The following PDE1A variants were observed in gnomAD, a reference collection of about 807,000 sequenced individuals.
The protein encoded by PDE1A is dual specificity calcium/calmodulin-dependent 3',5'-cyclic nucleotide phosphodiesterase 1A.
Under a neutral mutation model 61.7 loss-of-function variants are expected in PDE1A, and 35 were observed. The observed-to-expected ratio is 0.57, with a 90% CI of 0.43 to 0.75. The LOEUF (loss-of-function observed/expected upper bound fraction) is 0.75. Ranked by LOEUF, PDE1A falls within the 30% of genes least tolerant of loss-of-function variation. The pLI, the probability that PDE1A is intolerant of heterozygous loss-of-function variation, is 0.00. For synonymous variants in PDE1A, 232 were observed against 213.2 expected (o/e 1.09, Z -0.77); for missense variants, 597 against 630.6 (o/e 0.95, Z 0.57).
At chr2:182,631,179 T>C in the PDE1A span, among the ~76,000 whole-genome samples, 15 of 152,012 alleles carry the variant, frequency 9.9e-5, no homozygotes, top group Non-Finnish European at 1.2e-4. Context: ...TACATTCTAG[T>C]CCAAATCTGA....
intron 1 of PDE1A, among the ~76,000 whole-genome samples, chr2:182,288,409 G>A (rs1035980069): frequency 3.9e-5 from 6 of 152,072 alleles, no homozygotes; most frequent in African/African-American, 7.2e-5. Flanking sequence ...CAACAGGTTC[G>A]TCTATCAACA....
chr2:182,431,253 A>G (rs1380350229), upstream of PDE1A, among the ~76,000 whole-genome samples: 1 of 151,980 alleles, frequency 6.6e-6, no homozygotes. Flanking sequence ...GTTGTTGCCA[A>G]TCTTTTCTCT....
intron 1 of PDE1A, among the ~76,000 whole-genome samples, chr2:182,313,676 G>T (rs1159463149): frequency 6.6e-6 from 1 of 152,140 alleles, no homozygotes; most frequent in Admixed American, 6.6e-5. Context: ...AGCATATTGA[G>T]GAATGGTAAG....
the PDE1A span, among the ~76,000 whole-genome samples, chr2:182,638,654 A>G: frequency 1.3e-5 from 2 of 152,376 alleles, no homozygotes; most frequent in South Asian, 2.1e-4. Flanking sequence ...AGCGAAAAAC[A>G]TTAGATATAA....
At chr2:182,467,979 C>T (rs1375361488) in intron 2 of PDE1A, among the ~76,000 whole-genome samples, 1 of 151,920 alleles carries the variant, frequency 6.6e-6, no homozygotes, top group Middle Eastern at 3.2e-3. Context: ...ACATAGATAC[C>T]TTAATTTAAA....
intron 1 of PDE1A, among the ~76,000 whole-genome samples, chr2:182,328,333 T>A (rs1458131410): frequency 6.6e-6 from 1 of 152,196 alleles, no homozygotes; most frequent in Non-Finnish European, 1.5e-5. Flanking sequence ...CTGGTGTGAA[T>A]CATTTAAAAG....
intron 1 of PDE1A, among the ~76,000 whole-genome samples, chr2:182,348,787 G>A (rs1321704802): frequency 6.6e-6 from 1 of 151,558 alleles, no homozygotes; most frequent in African/African-American, 2.4e-5. Flanking sequence ...GCTACTAGAT[G>A]TCTGAGAGGG....
downstream of PDE1A, among the ~76,000 whole-genome samples, chr2:182,165,404 G>T (rs571432601): frequency 6.6e-6 from 1 of 152,254 alleles, no homozygotes; most frequent in East Asian, 1.9e-4. Flanking sequence ...GAGTCAACAG[G>T]CTAAAAAGGG....
intron 10 of PDE1A, among the ~76,000 whole-genome samples, chr2:182,196,747 CATTA>C (rs1168852757): frequency 6.6e-6 from 1 of 150,924 alleles, no homozygotes; most frequent in African/African-American, 2.4e-5. Context: ...TCATTTGTAT[CATTA>C]GTCTATTTTT....
the PDE1A span, among the ~76,000 whole-genome samples, chr2:182,536,049 T>C: frequency 1.3e-5 from 2 of 152,158 alleles, no homozygotes; most frequent in East Asian, 3.9e-4. Context: ...TCTTCACTGA[T>C]ATAGCATGAG....
At chr2:182,675,907 A>G in the PDE1A span, among the ~76,000 whole-genome samples, 1 of 152,056 alleles carries the variant, frequency 6.6e-6, no homozygotes, top group African/African-American at 2.4e-5. Flanking sequence ...TAGGCTGTCC[A>G]TTTACTCTGT....
intron 2 of PDE1A, among the ~76,000 whole-genome samples, chr2:182,478,267 A>G (rs1289803525): frequency 2.0e-5 from 3 of 151,832 alleles, no homozygotes; most frequent in Non-Finnish European, 4.4e-5. Flanking sequence ...ATTTTCAACC[A>G]TCTTGTTCAA....
chr2:182,410,288 G>A (rs1702539027), intron 1 of PDE1A, among the ~76,000 whole-genome samples: 1 of 152,072 alleles, frequency 6.6e-6, no homozygotes, highest in Non-Finnish European at 1.5e-5. Flanking sequence ...GATCACTTTA[G>A]CCTAGGAAGT....
chr2:182,632,157 C>T, the PDE1A span, among the ~76,000 whole-genome samples: 4 of 151,908 alleles, frequency 2.6e-5, no homozygotes, highest in Admixed American at 6.6e-5. Context: ...CACCAAGAGA[C>T]AGAGAGAGAG....
intron 1 of PDE1A, among the ~76,000 whole-genome samples, chr2:182,309,245 T>C (rs1332738240): frequency 6.6e-6 from 1 of 151,918 alleles, no homozygotes; most frequent in Non-Finnish European, 1.5e-5. Flanking sequence ...CCTTCTAAAG[T>C]TGTAAACTTA....
At chr2:182,384,148 G>A (rs1480412481) in intron 1 of PDE1A, among the ~76,000 whole-genome samples, 1 of 152,188 alleles carries the variant, frequency 6.6e-6, no homozygotes, top group Non-Finnish European at 1.5e-5. Flanking sequence ...GCCCATCCCA[G>A]TGCCATGCCT....
the PDE1A span, among the ~76,000 whole-genome samples, chr2:182,691,109 G>C: frequency 1.3e-5 from 2 of 152,178 alleles, no homozygotes; most frequent in African/African-American, 2.4e-5. Context: ...ACAGCCCAAG[G>C]TAATTTATAG....
chr2:182,648,511 C>CAATAAAAAAAAAAA, the PDE1A span, among the ~76,000 whole-genome samples: 1 of 76,220 alleles, frequency 1.3e-5, no homozygotes, highest in Non-Finnish European at 2.4e-5. Flanking sequence ...CCTGTCCCCA[C>CAATAAAAAAAAAAA]AAAAAAAAAA....
chr2:182,146,139 G>A (rs944259756), downstream of PDE1A, among the ~76,000 whole-genome samples: 1 of 152,116 alleles, frequency 6.6e-6, no homozygotes, highest in African/African-American at 2.4e-5. Context: ...CTCCGCCATC[G>A]GTTCAAGACA....
Sources: allele counts gnomAD v4.1 joint callset (sites outside exome capture counted in the v4.1 genomes callset), GRCh38; gene constraint gnomAD v4.1.1; transcripts MANE v1.5; gene names NCBI Gene and HGNC (gene_info 2026-07-23, HGNC 2026-07-21).